FAM117B: variants seen among roughly 807,000 people sequenced by gnomAD.
FAM117B encodes the protein family with sequence similarity 117 member B, also known as protein FAM117B.
Under a neutral mutation model 52.8 loss-of-function variants are expected in FAM117B, and 22 were observed. The ratio of observed to expected loss-of-function variants is 0.42; its 90% CI spans 0.30 to 0.59. The LOEUF (loss-of-function observed/expected upper bound fraction) is 0.59. Ranked by LOEUF, FAM117B falls within the 20% of genes least tolerant of loss-of-function variation. FAM117B has a pLI of 0.22. For missense variants in FAM117B, 678 were observed against 802.6 expected (o/e 0.84, Z 1.88); for synonymous variants, 309 against 324.1 (o/e 0.95, Z 0.50).
intron 4 of FAM117B, among the ~76,000 whole-genome samples, chr2:202,742,186 A>C (rs1330114334): frequency 1.3e-5 from 2 of 152,250 alleles, no homozygotes; most frequent in Non-Finnish European, 2.9e-5. Flanking sequence ...GTTGCTACTA[A>C]TAGAACTTGC....
chr2:202,725,577 C>T (rs1234638383), intron 3 of FAM117B, among the ~76,000 whole-genome samples: 1 of 152,126 alleles, frequency 6.6e-6, no homozygotes, highest in Non-Finnish European at 1.5e-5. Flanking sequence ...CCTTGGCCTC[C>T]CAAAGTGCTG....
chr2:202,696,561 A>G (rs909758382), intron 2 of FAM117B, among the ~76,000 whole-genome samples: 1 of 152,208 alleles, frequency 6.6e-6, no homozygotes, highest in South Asian at 2.1e-4. Flanking sequence ...TATATTTAAT[A>G]TATGGAATTT....
intron 1 of FAM117B, among the ~76,000 whole-genome samples, chr2:202,649,474 T>G (rs1689924100): frequency 6.6e-6 from 1 of 152,248 alleles, no homozygotes. Context: ...TGTGATATAA[T>G]TGTCAAATAC....
intron 1 of FAM117B, among the ~76,000 whole-genome samples, chr2:202,689,646 A>G (rs1356093382): frequency 1.3e-5 from 2 of 152,078 alleles, no homozygotes; most frequent in Non-Finnish European, 2.9e-5. Flanking sequence ...GGCCAGGCAC[A>G]GTGACTCACG....
intron 4 of FAM117B, among the ~76,000 whole-genome samples, chr2:202,746,604 A>G (rs1691637464): frequency 6.6e-6 from 1 of 152,132 alleles, no homozygotes; most frequent in Non-Finnish European, 1.5e-5. Flanking sequence ...TATTAAAGAT[A>G]AGCGTGAACA....
intron 1 of FAM117B, among the ~76,000 whole-genome samples, chr2:202,675,090 C>A (rs77769410): frequency 6.6e-6 from 1 of 151,564 alleles, no homozygotes; most frequent in African/African-American, 2.4e-5. Context: ...AAAAATTAGC[C>A]CAGGCATGGT....
At chr2:202,743,114 G>T (rs922536985) in intron 4 of FAM117B, among the ~76,000 whole-genome samples, 3 of 152,162 alleles carry the variant, frequency 2.0e-5, no homozygotes, top group African/African-American at 7.2e-5. Context: ...CACCAATACT[G>T]GTGCTTGTCT....
intron 7 of FAM117B, among the ~76,000 whole-genome samples, chr2:202,764,082 T>G (rs1025227759): frequency 6.6e-6 from 1 of 152,186 alleles, no homozygotes; most frequent in Non-Finnish European, 1.5e-5. Context: ...CTCTGAATAA[T>G]GTTTTAAATG....
At chr2:202,744,288 G>A (rs1316570306) in intron 4 of FAM117B, among the ~76,000 whole-genome samples, 1 of 152,196 alleles carries the variant, frequency 6.6e-6, no homozygotes, top group Non-Finnish European at 1.5e-5. Context: ...GGAAGGTGAA[G>A]GGGAGCCAGT....
chr2:202,762,788 G>A (rs1242045936), intron 7 of FAM117B, among the ~76,000 whole-genome samples: 3 of 152,008 alleles, frequency 2.0e-5, no homozygotes, highest in Non-Finnish European at 4.4e-5. Context: ...ACAGGAAGAA[G>A]AAGGCACAAG....
intron 4 of FAM117B, among the ~76,000 whole-genome samples, chr2:202,733,717 C>A (rs1300717834): frequency 6.6e-6 from 1 of 152,120 alleles, no homozygotes; most frequent in Non-Finnish European, 1.5e-5. Flanking sequence ...TTATTCTGTT[C>A]GTTTTCAAGG....
At chr2:202,757,765 A>G (rs1332523329) in intron 6 of FAM117B, among the ~76,000 whole-genome samples, 1 of 152,218 alleles carries the variant, frequency 6.6e-6, no homozygotes, top group Admixed American at 6.5e-5. Flanking sequence ...GTCACCTGAT[A>G]GTCATGATTT....
At chr2:202,709,505 C>G (rs1035699510) in intron 2 of FAM117B, among the ~76,000 whole-genome samples, 10 of 152,068 alleles carry the variant, frequency 6.6e-5, no homozygotes, top group Non-Finnish European at 1.3e-4. Flanking sequence ...CCTGGCCAGC[C>G]CATTTTTTAA....
Position 202,759,262 on chromosome 2 carries a change from T to C in FAM117B, c.1360T>C (p.Tyr454His). 1 of 1,614,108 alleles carries C rather than the reference T, an allele frequency of 6.2e-7. No homozygotes were observed. Among genetic ancestry groups the C allele is most frequent in the Non-Finnish European group, 8.5e-7 (1 of 1,180,018 alleles). Reference sequence around the variant, plus strand: ...TGGGAACAATTCTCCTTTGCCCAAATATGCAACCTCACCAAAACCTAACAA... The same window carrying C: ...TGGGAACAATTCTCCTTTGCCCAAACATGCAACCTCACCAAAACCTAACAA... ...ENGNNSPLPK[Y>H]ATSPKPNNSY... Residue 454 changes from tyrosine to histidine, a missense_variant, in exon 7 of 8, where the codon TAT (tyrosine) becomes CAT (histidine). Transcript: ENST00000392238.
At chr2:202,649,433 C>T (rs1461567333) in intron 1 of FAM117B, among the ~76,000 whole-genome samples, 1 of 152,226 alleles carries the variant, frequency 6.6e-6, no homozygotes, top group Non-Finnish European at 1.5e-5. Context: ...TAGAACCTTA[C>T]ATATAATTCT....
chr2:202,648,935 G>A (rs544485369), intron 1 of FAM117B, among the ~76,000 whole-genome samples: 22 of 152,022 alleles, frequency 1.4e-4, no homozygotes, highest in Admixed American at 2.6e-4. Context: ...TGTATTTTTA[G>A]TAGAGATGGT....
Position 202,765,802 on chromosome 2 carries a change from G to A in FAM117B, c.*38G>A, listed in dbSNP as rs752140738. On this transcript the variant is annotated 3_prime_UTR_variant, in exon 8 of 8. Coordinates refer to ENST00000392238, the MANE Select transcript of FAM117B (RefSeq NM_173511.4). Reference sequence around the variant, plus strand: ...CGTGGCTGTTGTTCTGGGAAATTGGGAACCTCCTCAGATCACTGGATTCTG... The same window carrying A: ...CGTGGCTGTTGTTCTGGGAAATTGGAAACCTCCTCAGATCACTGGATTCTG... The A allele has an allele frequency of 1.1e-5, 17 of 1,590,998 alleles. No homozygotes were observed. The highest frequency in any genetic ancestry group is 1.3e-5 in the Non-Finnish European group (15 of 1,166,044).
chr2:202,687,560 C>T (rs1256391885), intron 1 of FAM117B, among the ~76,000 whole-genome samples: 25 of 152,156 alleles, frequency 1.6e-4, no homozygotes, highest in Admixed American at 1.6e-3. Context: ...CAGGCACATG[C>T]CACCACATCT....
intron 4 of FAM117B, among the ~76,000 whole-genome samples, chr2:202,739,326 A>T (rs1323948908): frequency 2.0e-5 from 3 of 151,760 alleles, no homozygotes; most frequent in African/African-American, 7.3e-5. Context: ...CATATTATGG[A>T]TATTCTATGC....
Sources: allele counts gnomAD v4.1 joint callset (sites outside exome capture counted in the v4.1 genomes callset), GRCh38; gene constraint gnomAD v4.1.1; transcripts MANE v1.5; gene names NCBI Gene and HGNC (gene_info 2026-07-23, HGNC 2026-07-21).